VPS13A: variants seen among roughly 807,000 people sequenced by gnomAD.
VPS13A encodes intermembrane lipid transfer protein VPS13A.
In VPS13A, 264 loss-of-function variants were observed where a neutral mutation model predicts 390.9. The ratio of observed to expected loss-of-function variants is 0.68; its 90% confidence interval spans 0.61 to 0.75. VPS13A has a LOEUF of 0.75. VPS13A is among the 30% of genes least tolerant of loss of function. VPS13A has a pLI of 0.00. For synonymous variants in VPS13A, 1,231 were observed against 1,227.1 expected (o/e 1.00, Z -0.07); for missense variants, 3,409 against 3,733.9 (o/e 0.91, Z 2.27).
Position 77,276,191 on chromosome 9 carries a change from G to C in VPS13A, c.2794G>C (p.Glu932Gln). 6.2e-7 allele frequency: 1 copy of C among 1,609,454 alleles called. No homozygotes were observed. The change falls in exon 26 of 72, where the codon GAG becomes CAG. Residue 932 changes from glutamate to glutamine, a missense_variant. Physicochemically the swap from Glu to Gln is conservative, Grantham distance 29 (BLOSUM62 2). This residue lies in a region of VPS13A where 2,717 missense variants were observed against 2,917.4 expected (regional missense o/e 0.93). Coordinates refer to ENST00000360280, the MANE Select transcript of VPS13A (RefSeq NM_033305.3). ...TTTGAAAGCAAATGCCTTTTTGAAAGAGTTCTGCTTAAAATGCCCAGAATA... is the reference window on the plus strand; with the variant it reads ...TTTGAAAGCAAATGCCTTTTTGAAACAGTTCTGCTTAAAATGCCCAGAATA... Reference protein sequence around the residue: ...YDLKANAFLKEFCLKCPEYLD... With the variant: ...YDLKANAFLKQFCLKCPEYLD...
At chr9:77,292,772 C>T (rs1827754562) in intron 31 of VPS13A, among the ~76,000 whole-genome samples, 1 of 152,088 alleles carries the variant, frequency 6.6e-6, no homozygotes, top group Admixed American at 6.5e-5. Flanking sequence ...TTGTCGCCAC[C>T]ATTTTTAACT....
chr9:77,232,916 G>A (rs1823916866), intron 17 of VPS13A, among the ~76,000 whole-genome samples: 1 of 151,972 alleles, frequency 6.6e-6, no homozygotes, highest in South Asian at 2.1e-4. Flanking sequence ...AGAGTTTTTG[G>A]TTACTGATTT....
intron 1 of VPS13A, among the ~76,000 whole-genome samples, chr9:77,181,262 C>A (rs1823998627): frequency 6.6e-6 from 1 of 151,882 alleles, no homozygotes; most frequent in Non-Finnish European, 1.5e-5. Flanking sequence ...GTGGCTCATG[C>A]CTGTAATCCC....
chr9:77,304,958 A>C (rs1185117690), intron 34 of VPS13A, among the ~76,000 whole-genome samples: 1 of 139,566 alleles, frequency 7.2e-6, no homozygotes, highest in Non-Finnish European at 1.5e-5. Context: ...TTTTTTTTTG[A>C]GATGGAGTCT....
intron 17 of VPS13A, among the ~76,000 whole-genome samples, chr9:77,235,209 T>C (rs1032867759): frequency 2.0e-5 from 3 of 152,234 alleles, no homozygotes; most frequent in African/African-American, 7.2e-5. Context: ...GGACTTCCTT[T>C]AACCTTTCTT....
intron 62 of VPS13A, 51 bp downstream of exon 62, chr9:77,368,187 AC>A (rs1420257782): frequency 1.2e-5 from 17 of 1,450,576 alleles, no homozygotes; most frequent in Non-Finnish European, 1.5e-5. Context: ...GACTGGTAAA[AC>A]CTTTTGTGTC....
chr9:77,355,039 C>T (rs1363722644), intron 54 of VPS13A, among the ~76,000 whole-genome samples: 1 of 152,192 alleles, frequency 6.6e-6, no homozygotes, highest in Non-Finnish European at 1.5e-5. Flanking sequence ...AGTGTTACTT[C>T]TCTCAACATA....
Position 77,303,250 on chromosome 9 carries a change from G to A in VPS13A, c.3960+188G>A, listed in dbSNP as rs375705889. On this transcript the variant is annotated intron_variant, in intron 34 of 71. Transcript: ENST00000360280. ...ATTTATTCTTTTAACAAATATTACTGGAGATAAAGTGGCAAGGAAGCAATG... is the reference window on the plus strand; with the variant it reads ...ATTTATTCTTTTAACAAATATTACTAGAGATAAAGTGGCAAGGAAGCAATG... Among the ~76,000 whole-genome samples, 186 of 152,262 alleles carry A rather than the reference G, an allele frequency of 1.2e-3. 1 individual carries two copies. The South Asian group carries it at 0.017, about 14-fold the overall frequency.
intron 3 of VPS13A, among the ~76,000 whole-genome samples, chr9:77,202,275 CTG>C (rs1312139458): frequency 6.6e-6 from 1 of 152,080 alleles, no homozygotes; most frequent in Non-Finnish European, 1.5e-5. Flanking sequence ...CTTTTAAAGA[CTG>C]TTTACTGTAA....
intron 10 of VPS13A, among the ~76,000 whole-genome samples, chr9:77,217,736 T>C (rs1822940503): frequency 6.6e-6 from 1 of 152,180 alleles, no homozygotes; most frequent in Non-Finnish European, 1.5e-5. Context: ...ACCATATCTT[T>C]GCTATTGTGA....
At chr9:77,398,158 G>T (rs1002659288) in intron 68 of VPS13A, among the ~76,000 whole-genome samples, 13 of 152,062 alleles carry the variant, frequency 8.5e-5, no homozygotes, top group African/African-American at 2.9e-4. Context: ...TAAATTATTT[G>T]AATACTGTTG....
intron 68 of VPS13A, chr9:77,396,011 T>C (rs7039192): frequency 0.2 from 30,580 of 152,062 alleles, 3,302 homozygotes; most frequent in African/African-American, 0.25. Context: ...TTCAGGGATA[T>C]GTAGTATGAT....
chr9:77,274,590 A>G (rs1826538905), intron 24 of VPS13A, among the ~76,000 whole-genome samples: 1 of 152,066 alleles, frequency 6.6e-6, no homozygotes, highest in Admixed American at 6.5e-5. Context: ...CATTTTTAAA[A>G]ATATAATTAT....
chr9:77,303,200 T>C, intron 34 of VPS13A, 138 bp downstream of exon 34: 1 of 884,056 alleles, frequency 1.1e-6, no homozygotes, highest in Non-Finnish European at 1.8e-6. Flanking sequence ...TATATTAAAC[T>C]AGAATTCATT....
chr9:77,329,181 CTG>C (rs1291166917), intron 45 of VPS13A, among the ~76,000 whole-genome samples: 1 of 152,182 alleles, frequency 6.6e-6, no homozygotes, highest in Non-Finnish European at 1.5e-5. Flanking sequence ...CCTAGCCAAA[CTG>C]TATCATATCC....
chr9:77,380,561 C>T (rs1473354204), intron 67 of VPS13A, among the ~76,000 whole-genome samples: 1 of 152,120 alleles, frequency 6.6e-6, no homozygotes, highest in African/African-American at 2.4e-5. Flanking sequence ...CCGCCCGCCT[C>T]GGGCTCCCAA....
At chr9:77,306,910 A>ATT (rs199833366) in intron 34 of VPS13A, among the ~76,000 whole-genome samples, 1,605 of 129,832 alleles carry the variant, frequency 0.012, 30 homozygotes, top group African/African-American at 0.042. Flanking sequence ...TTGGCTCTTT[A>ATT]TTTTTTTTTT....
intron 61 of VPS13A, among the ~76,000 whole-genome samples, chr9:77,367,422 A>C (rs1265138944): frequency 6.6e-6 from 1 of 152,222 alleles, no homozygotes. Context: ...ATTGATTATT[A>C]AGAACAGTCG....
chr9:77,369,523 C>A, intron 63 of VPS13A, 111 bp downstream of exon 63: 7 of 766,118 alleles, frequency 9.1e-6, no homozygotes, highest in South Asian at 5.7e-5. Context: ...TTGGAACACA[C>A]ACAAAAGGAC....
Sources: allele counts gnomAD v4.1 joint callset (sites outside exome capture counted in the v4.1 genomes callset), GRCh38; gene constraint gnomAD v4.1.1; regional missense constraint gnomAD v4.1.1; transcripts MANE v1.5; gene names NCBI Gene and HGNC (gene_info 2026-07-23, HGNC 2026-07-21).